The following TYW1 variants were observed in gnomAD, a reference collection of about 807,000 sequenced individuals.
TYW1 encodes the protein S-adenosyl-L-methionine-dependent tRNA 4-demethylwyosine synthase TYW1.
Under a neutral mutation model 96.2 loss-of-function variants are expected in TYW1, and 46 were observed. The observed-to-expected ratio is 0.48, with a 90% CI of 0.38 to 0.61. The LOEUF is 0.61. Ranked by LOEUF, TYW1 falls within the 20% of genes least tolerant of loss-of-function variation. The probability of loss-of-function intolerance (pLI) is 0.00; values close to 1 mark genes in which losing one functional copy is unlikely to be tolerated. For synonymous variants in TYW1, 274 were observed against 323.0 expected, an observed-to-expected ratio of 0.85 and a Z score of 1.63; for missense variants, 684 against 909.6, an observed-to-expected ratio of 0.75 and a Z score of 3.19.
At chr7:67,104,086 A>C in intron 12 of TYW1, among the ~76,000 whole-genome samples, 1 of 152,148 alleles carries the variant, frequency 6.6e-6, no homozygotes, top group Non-Finnish European at 1.5e-5. Flanking sequence ...TTTCAGGGGA[A>C]TCTAGACTTT....
chr7:67,012,988 T>A (rs1793865930), intron 4 of TYW1, among the ~76,000 whole-genome samples: 2 of 152,118 alleles, frequency 1.3e-5, no homozygotes, highest in South Asian at 2.1e-4. Context: ...GTATTTTGTA[T>A]CCCCGGGATT....
Position 67,147,811 on chromosome 7 carries a change from G to A in TYW1, c.1698+30193G>A, listed in dbSNP as rs189955518. 2.6e-5 allele frequency among the ~76,000 whole-genome samples: 4 copies of A among 152,224 alleles called. No homozygotes were observed. The East Asian group carries it at 7.7e-4, about 29-fold the overall frequency. On this transcript the variant is annotated intron_variant, in intron 13 of 15. Transcript: ENST00000359626. ...GCTTATAAGGACAAAGGGGAGAATA[G>A]GGATTGGTGGGCAACTAGTCATCTA...
intron 10 of TYW1, among the ~76,000 whole-genome samples, chr7:67,079,194 GT>G (rs1796306112): frequency 6.6e-6 from 1 of 151,878 alleles, no homozygotes; most frequent in African/African-American, 2.4e-5. Context: ...GTGTGTGTGT[GT>G]GTGTGTTTTA....
At chr7:66,998,028 G>T in intron 1 of TYW1, 37 bp from the exon 2 acceptor site, 1 of 1,555,272 alleles carries the variant, frequency 6.4e-7, no homozygotes, top group South Asian at 1.2e-5. Context: ...TGTATATGTA[G>T]CTTTAAATGA....
intron 4 of TYW1, among the ~76,000 whole-genome samples, chr7:67,010,768 C>T (rs1374067684): frequency 6.6e-6 from 1 of 152,104 alleles, no homozygotes; most frequent in African/African-American, 2.4e-5. Context: ...AGTCACCGCG[C>T]CTGGCCAAAA....
At chr7:67,208,392 T>C (rs117938458) in intron 15 of TYW1, among the ~76,000 whole-genome samples, 4,513 of 151,534 alleles carry the variant, frequency 0.03, 89 homozygotes, top group Admixed American at 0.051. Context: ...AGTGATTCTT[T>C]TAAAAAAAAC....
rs547209460 is a variant in TYW1, at chr7:67,106,865, A to G, written c.1562+8147A>G. Among the ~76,000 whole-genome samples, 64 of 152,326 alleles carry G rather than the reference A, an allele frequency of 4.2e-4. 1 individual carries two copies. The South Asian group carries it at 0.011, about 26-fold the overall frequency. Reference sequence around the variant, plus strand: ...ACAGAGCTGTGTTCAGCATTTCACTATGACATGATTAACTTCTCAGACTCA... The same window carrying G: ...ACAGAGCTGTGTTCAGCATTTCACTGTGACATGATTAACTTCTCAGACTCA... On this transcript the variant is annotated intron_variant, in intron 12 of 15. Transcript: ENST00000359626.
intron 6 of TYW1, among the ~76,000 whole-genome samples, chr7:67,023,985 T>A (rs533200973): frequency 6.5e-4 from 99 of 152,188 alleles, no homozygotes; most frequent in African/African-American, 2.1e-3. Context: ...AACATTGTGT[T>A]GGGGACGTAG....
chr7:67,022,196 A>G (rs1794301795), intron 6 of TYW1, among the ~76,000 whole-genome samples: 1 of 152,204 alleles, frequency 6.6e-6, no homozygotes, highest in Non-Finnish European at 1.5e-5. Context: ...TATAAGTGTG[A>G]GCCACTGCAC....
chr7:67,046,744 A>T (rs1182486223), intron 7 of TYW1, among the ~76,000 whole-genome samples: 1 of 152,168 alleles, frequency 6.6e-6, no homozygotes, highest in Non-Finnish European at 1.5e-5. Context: ...CTGCATATGG[A>T]GGATAGGACT....
At chr7:66,998,766 T>C (rs1315096647) in intron 2 of TYW1, 51 bp from the exon 3 acceptor site, 2 of 1,602,136 alleles carry the variant, frequency 1.2e-6, no homozygotes, top group Admixed American at 1.7e-5. Context: ...CCTGCTGAAG[T>C]TGGGAAACGA....
chr7:66,999,862 GTA>G (rs2129235831), intron 3 of TYW1, among the ~76,000 whole-genome samples: 1 of 152,248 alleles, frequency 6.6e-6, no homozygotes, highest in Admixed American at 6.5e-5. Context: ...GATGGTAATA[GTA>G]TGGTTATCTC....
At chr7:67,128,972 AG>A (rs1797985511) in intron 13 of TYW1, among the ~76,000 whole-genome samples, 2 of 152,098 alleles carry the variant, frequency 1.3e-5, no homozygotes, top group South Asian at 2.1e-4. Flanking sequence ...TACAGGTGTG[AG>A]CCACCGCGCC....
chr7:67,168,297 T>G (rs1322467805), intron 13 of TYW1, among the ~76,000 whole-genome samples: 1 of 152,160 alleles, frequency 6.6e-6, no homozygotes, highest in East Asian at 1.9e-4. Context: ...TTTGTGTATC[T>G]TGGGATTCTT....
chr7:67,147,847 T>C (rs35423412), intron 13 of TYW1, among the ~76,000 whole-genome samples: 19 of 152,020 alleles, frequency 1.2e-4, no homozygotes, highest in African/African-American at 4.6e-4. Context: ...CTAGTTAGCT[T>C]AGTAAGCTAA....
At chr7:67,071,378 A>G (rs1310757058) in intron 10 of TYW1, among the ~76,000 whole-genome samples, 1 of 150,506 alleles carries the variant, frequency 6.6e-6, no homozygotes, top group Non-Finnish European at 1.5e-5. Context: ...AGCCAAAGAA[A>G]AAAAATTGGA....
chr7:67,067,204 T>TC (rs1400186631), intron 9 of TYW1, 81 bp from the exon 10 acceptor site: 8 of 1,438,786 alleles, frequency 5.6e-6, no homozygotes, highest in Non-Finnish European at 7.8e-6. Flanking sequence ...ACACATGGTT[T>TC]CTCTTAAAAA....
chr7:67,054,612 T>C (rs1795453819), intron 8 of TYW1, among the ~76,000 whole-genome samples: 1 of 152,226 alleles, frequency 6.6e-6, no homozygotes. Context: ...TTGACATTGC[T>C]CCAATAATCA....
chr7:67,114,422 A>C (rs1365705094), intron 12 of TYW1: 1 of 152,996 alleles, frequency 6.5e-6, no homozygotes, highest in African/African-American at 2.4e-5. Flanking sequence ...AGGGATTTTT[A>C]TGTTCATCAG....
Sources: allele counts gnomAD v4.1 joint callset (sites outside exome capture counted in the v4.1 genomes callset), GRCh38; gene constraint gnomAD v4.1.1; transcripts MANE v1.5; gene names NCBI Gene and HGNC (gene_info 2026-07-23, HGNC 2026-07-21).